The following JAK1 variants were observed in gnomAD, a reference collection of about 807,000 sequenced individuals.
JAK1 encodes Janus kinase 1.
JAK1 carries 16 observed loss-of-function variants against 136.6 expected under a neutral mutation model. The observed-to-expected ratio is 0.12, with a 90% CI of 0.08 to 0.18. JAK1 has a LOEUF of 0.18. JAK1 is among the 10% of genes least tolerant of loss of function. JAK1 has a pLI of 1.00. For missense variants in JAK1, 859 were observed against 1,450.1 expected (o/e 0.59, Z 6.62); for synonymous variants, 492 against 519.5 (o/e 0.95, Z 0.72).
chr1:64,986,109 G>GTT (rs35258864), intron 2 of JAK1: 36,764 of 543,440 alleles, frequency 0.068, 777 homozygotes, highest in African/African-American at 0.15. Flanking sequence ...CAATCTAATT[G>GTT]TTTTTTTTTT....
chr1:65,016,065 A>G (rs986693195), intron 2 of JAK1, among the ~76,000 whole-genome samples: 40 of 152,374 alleles, frequency 2.6e-4, no homozygotes, highest in African/African-American at 8.9e-4. Context: ...CCTTGAAGAC[A>G]TATGCTAAGT....
chr1:64,997,089 G>A (rs1646710552), intron 2 of JAK1, among the ~76,000 whole-genome samples: 1 of 152,130 alleles, frequency 6.6e-6, no homozygotes, highest in Non-Finnish European at 1.5e-5. Flanking sequence ...AGATTAATTT[G>A]GTCCTGAGTA....
chr1:64,873,668 C>T lies in JAK1; in HGVS notation c.330-145G>A, dbSNP rs1394660011. The T allele has an allele frequency of 2.2e-5, 18 of 802,364 alleles. 1 individual carries two copies. The Middle Eastern group carries it at 2.6e-3, about 116-fold the overall frequency. The allele number at this position is 802,364 out of a possible 1,614,324, so 49.7% of individuals were successfully genotyped here. A position where few individuals can be genotyped will look rare whatever the true frequency, so the allele number is the denominator to read the frequency against. On this transcript the variant is annotated intron_variant, in intron 4 of 24. Transcript: ENST00000342505. Reference sequence around the variant, plus strand: ...CAACCCTGCCCCTTGTAGCCCCTCACCATCTCTTTCCTTCTTACTAGCGCT... The same window carrying T: ...CAACCCTGCCCCTTGTAGCCCCTCATCATCTCTTTCCTTCTTACTAGCGCT...
At chr1:64,947,531 T>C (rs1646008816) in intron 1 of JAK1, among the ~76,000 whole-genome samples, 1 of 152,162 alleles carries the variant, frequency 6.6e-6, no homozygotes, top group Admixed American at 6.5e-5. Flanking sequence ...AATAGCAGGA[T>C]TCTTACTGAG....
chr1:64,864,225 C>T (rs1288665451), intron 8 of JAK1, among the ~76,000 whole-genome samples: 2 of 152,244 alleles, frequency 1.3e-5, no homozygotes. Flanking sequence ...CTTCCCCTGA[C>T]ACAAACAGGT....
intron 1 of JAK1, among the ~76,000 whole-genome samples, chr1:64,894,585 C>A (rs1644985997): frequency 6.6e-6 from 1 of 151,972 alleles, no homozygotes; most frequent in African/African-American, 2.4e-5. Flanking sequence ...ATGGTGAAAC[C>A]CCGTCTCTAC....
chr1:65,060,385 T>C (rs1647737020), intron 1 of JAK1, among the ~76,000 whole-genome samples: 1 of 152,130 alleles, frequency 6.6e-6, no homozygotes, highest in African/African-American at 2.4e-5. Flanking sequence ...TGGAGACAAA[T>C]AAATAATCCT....
chr1:65,062,296 C>G (rs12049119), intron 1 of JAK1, among the ~76,000 whole-genome samples: 1 of 152,180 alleles, frequency 6.6e-6, no homozygotes, highest in Admixed American at 6.5e-5. Context: ...ACTCTCACCC[C>G]CCGGATTTTA....
At chr1:64,914,409 A>T (rs901262642) in intron 1 of JAK1, among the ~76,000 whole-genome samples, 1 of 152,270 alleles carries the variant, frequency 6.6e-6, no homozygotes. Flanking sequence ...ACTGCTAAAG[A>T]AAAAGCTAAC....
chr1:64,977,350 C>T (rs934074893), intron 2 of JAK1, among the ~76,000 whole-genome samples: 5 of 152,024 alleles, frequency 3.3e-5, no homozygotes, highest in African/African-American at 7.3e-5. Context: ...TGAGGTCTTG[C>T]TATGTTGCCT....
At chr1:64,906,848 C>T (rs1031070269) in intron 1 of JAK1, among the ~76,000 whole-genome samples, 1 of 152,156 alleles carries the variant, frequency 6.6e-6, no homozygotes, top group Non-Finnish European at 1.5e-5. Context: ...TTCCACACTA[C>T]CTCTTAAAGC....
Position 64,844,822 on chromosome 1 carries a change from T to C in JAK1, c.2183A>G (p.Asp728Gly), listed in dbSNP as rs530773982. The C allele has an allele frequency of 1.9e-6, 3 of 1,614,214 alleles. No homozygotes were observed. Among genetic ancestry groups the C allele is most frequent in the East Asian group, 4.5e-5 (2 of 44,882 alleles). Residue 728 changes from aspartate to glycine, a missense_variant, in exon 16 of 25, where the codon GAC becomes GGC. Physicochemically the swap from Asp to Gly is moderately conservative, Grantham distance 94. Around this residue, in one of 4 missense-constraint regions of JAK1, gnomAD observed 409 missense variants for 753.8 expected, o/e 0.54. Coordinates refer to ENST00000342505, the MANE Select transcript of JAK1 (RefSeq NM_002227.4). This position sits in a 1 kb window ranked among gnomAD's most constrained non-coding sequence, Gnocchi z 5.7. ...CTTGATGAATGGGCCACACTCACTG[T>C]CGATGCCCTCACGGGCCAGGAGGAG... is the stretch of plus-strand genomic sequence containing the variant. ...KNLLLAREGI[D>G]SECGPFIKLS...
rs144725183 is a variant in JAK1, at chr1:64,890,688, T to C, written c.-77-4347A>G. Among the ~76,000 whole-genome samples, 13 of 152,330 alleles carry C rather than the reference T, an allele frequency of 8.5e-5. 1 individual carries two copies. The East Asian group carries it at 2.5e-3, about 29-fold the overall frequency. ...CCCTTTTTGCAAGAGGCTATAGATG[T>C]GTAAGTGTACAAAAAGGTATTGACG... is the stretch of plus-strand genomic sequence containing the variant. On this transcript the variant is annotated intron_variant, in intron 1 of 24. Transcript: ENST00000342505.
chr1:64,924,998 AATG>A (rs1471898016), intron 1 of JAK1, among the ~76,000 whole-genome samples: 1 of 152,172 alleles, frequency 6.6e-6, no homozygotes, highest in Non-Finnish European at 1.5e-5. Context: ...TTTGGGTGAT[AATG>A]ATGTCAGTGT....
At chr1:64,992,912 A>AG (rs1483263377) in intron 2 of JAK1, 7 of 151,958 alleles carry the variant, frequency 4.6e-5, no homozygotes, top group African/African-American at 1.7e-4. Context: ...AAAAAAAAAA[A>AG]AAAAAGATTT....
At chr1:64,847,502 G>A (rs746615461) in intron 13 of JAK1, 30 bp downstream of exon 13, 1 of 1,613,140 alleles carries the variant, frequency 6.2e-7, no homozygotes, top group South Asian at 1.1e-5. Flanking sequence ...CGGGAGAGGG[G>A]AGGGGAGGAG....
intron 2 of JAK1, among the ~76,000 whole-genome samples, chr1:64,977,409 C>T (rs746076771): frequency 2.9e-4 from 44 of 152,114 alleles, no homozygotes; most frequent in Non-Finnish European, 5.9e-4. Context: ...GTCTCAGCAT[C>T]CCAAAGTACT....
intron 2 of JAK1, among the ~76,000 whole-genome samples, chr1:65,029,783 G>A (rs972710263): frequency 2.0e-5 from 3 of 152,090 alleles, no homozygotes; most frequent in African/African-American, 7.2e-5. Flanking sequence ...ACATAGAGGG[G>A]AACAAGAGAC....
At chr1:64,878,845 C>T (rs531678195) in intron 4 of JAK1, among the ~76,000 whole-genome samples, 180 bp downstream of exon 4, 1 of 152,214 alleles carries the variant, frequency 6.6e-6, no homozygotes, top group South Asian at 2.1e-4. Context: ...GGTGATCAAA[C>T]TCATCTTGAA....
Sources: gnomAD v4.1 joint callset for allele counts (sites outside exome capture counted in the v4.1 genomes callset) on GRCh38, gnomAD v4.1.1 for gene constraint, gnomAD v4.1.1 regional missense constraint, Gnocchi (gnomAD v3.1) non-coding constraint, MANE v1.5 for transcripts, NCBI Gene and HGNC (gene_info 2026-07-23, HGNC 2026-07-21) for gene names.